The following GLMN variants were observed in gnomAD, a reference collection of about 807,000 sequenced individuals.
GLMN encodes glomulin, FKBP associated protein, also known as glomulin.
GLMN carries 75 observed loss-of-function variants against 87.8 expected under a neutral mutation model. The ratio of observed to expected loss-of-function variants is 0.85; its 90% CI spans 0.71 to 1.04. GLMN has a LOEUF of 1.04. GLMN is among the 50% of genes least tolerant of loss of function. The pLI is 0.00. For synonymous variants in GLMN, 206 were observed against 221.6 expected (o/e 0.93, Z 0.63); for missense variants, 588 against 658.8 (o/e 0.89, Z 1.18).
At chr1:92,256,801 C>G (rs1570851035) in intron 16 of GLMN, among the ~76,000 whole-genome samples, 1 of 152,264 alleles carries the variant, frequency 6.6e-6, no homozygotes, top group Non-Finnish European at 1.5e-5. Flanking sequence ...CAATATCATA[C>G]TGAATGGGCA....
At chr1:92,246,961 T>C in intron 18 of GLMN, 101 bp downstream of exon 18, 1 of 769,912 alleles carries the variant, frequency 1.3e-6, no homozygotes, top group South Asian at 1.4e-5. Flanking sequence ...GAGTTGAAGC[T>C]GCAGTGAGCC....
At chr1:92,370,223 G>A in the GLMN span, among the ~76,000 whole-genome samples, 1 of 152,042 alleles carries the variant, frequency 6.6e-6, no homozygotes, top group South Asian at 2.1e-4. Context: ...GACATGTTTT[G>A]TTTTATATTT....
chr1:92,268,004 T>C lies in GLMN; in HGVS notation c.1009-2A>G, dbSNP rs1398865250. The C allele has an allele frequency of 1.0e-5, 16 of 1,532,184 alleles. No individual in the cohort carries two copies. Among genetic ancestry groups the C allele is most frequent in the Non-Finnish European group, 1.4e-5 (16 of 1,105,400 alleles). The allele number at this position is 1,532,184 out of a possible 1,614,324, so 94.9% of individuals were successfully genotyped here. On this transcript the variant is annotated splice_acceptor_variant, in intron 10 of 18. Transcript: ENST00000370360. LOFTEE classifies it high-confidence loss of function. ...CAATAAACTATTCTCCAGCAGCTCC[T>C]ACAGATTAAAATATATGCAGATACA...
chr1:92,266,657 T>C (rs1297686930), intron 12 of GLMN, 43 bp downstream of exon 12: 2 of 1,362,378 alleles, frequency 1.5e-6, no homozygotes, highest in Admixed American at 1.9e-5. Context: ...TCAAATTTTC[T>C]CACTGTAACT....
At chr1:92,324,112 C>A in the GLMN span, 1 of 1,614,080 alleles carries the variant, frequency 6.2e-7, no homozygotes, top group Non-Finnish European at 8.5e-7. Context: ...GTGTCTGAAA[C>A]CCGAAGCCTC....
the GLMN span, chr1:92,333,481 T>C: frequency 2.5e-6 from 4 of 1,593,958 alleles, no homozygotes; most frequent in Non-Finnish European, 3.4e-6. Flanking sequence ...AGTGTAAGTA[T>C]GTAATTGCCA....
At position 92,257,475 on chromosome 1, in the gene GLMN, C is replaced by T. The variant is rs1328708481; in HGVS notation, c.1473+5388G>A. 2.6e-5 allele frequency among the ~76,000 whole-genome samples: 4 copies of T among 152,194 alleles called. No homozygotes were observed. The East Asian group carries it at 5.8e-4, about 22-fold the overall frequency. On this transcript the variant is annotated intron_variant, in intron 16 of 18. Transcript: ENST00000370360. ...GCAAAAAGAACAAAGCTGGAGGCAT[C>T]ATGCTACCTGACTTCAAACTATACT...
the GLMN span, among the ~76,000 whole-genome samples, chr1:92,348,652 T>A: frequency 4.6e-5 from 7 of 152,226 alleles, no homozygotes; most frequent in East Asian, 1.9e-4. Context: ...CCACTGGAAA[T>A]CTGTGGCTCA....
At chr1:92,279,742 A>G (rs1187673035) in intron 7 of GLMN, among the ~76,000 whole-genome samples, 1 of 152,174 alleles carries the variant, frequency 6.6e-6, no homozygotes, top group Admixed American at 6.5e-5. Context: ...GAAACAGTAC[A>G]CTCCTGACCA....
intron 15 of GLMN, among the ~76,000 whole-genome samples, chr1:92,263,263 A>G (rs1467676250): frequency 2.0e-5 from 3 of 152,144 alleles, no homozygotes; most frequent in Non-Finnish European, 4.4e-5. Flanking sequence ...TATATGTTCT[A>G]TATGAAAAAA....
At chr1:92,295,715 G>A (rs1208934921) in intron 3 of GLMN, among the ~76,000 whole-genome samples, 1 of 152,092 alleles carries the variant, frequency 6.6e-6, no homozygotes, top group Non-Finnish European at 1.5e-5. Flanking sequence ...TCTGAATCTT[G>A]GATGTTACAT....
intron 16 of GLMN, among the ~76,000 whole-genome samples, chr1:92,253,808 G>A (rs796581530): frequency 1.3e-5 from 2 of 152,318 alleles, no homozygotes; most frequent in Admixed American, 6.5e-5. Flanking sequence ...CCACGAAGAC[G>A]AGGAAAAAGC....
intron 2 of GLMN, 164 bp downstream of exon 2, chr1:92,297,797 G>C: frequency 1.6e-6 from 1 of 630,650 alleles, no homozygotes; most frequent in South Asian, 2.0e-5. Flanking sequence ...ATGTCACCTG[G>C]AGAAATAATC....
At chr1:92,255,873 A>C (rs565114386) in intron 16 of GLMN, among the ~76,000 whole-genome samples, 284 of 152,298 alleles carry the variant, frequency 1.9e-3, no homozygotes, top group African/African-American at 6.4e-3. Context: ...AAAAGCAAAC[A>C]AATTCAAAAG....
At chr1:92,267,302 ATAAAGTGT>A (rs1157614481) in intron 11 of GLMN, among the ~76,000 whole-genome samples, 1 of 152,238 alleles carries the variant, frequency 6.6e-6, no homozygotes, top group African/African-American at 2.4e-5. Flanking sequence ...CCCTACAGAA[ATAAAGTGT>A]TAAAAGAAGA....
At chr1:92,303,140 C>T (rs1456619962), upstream of GLMN, among the ~76,000 whole-genome samples, 1 of 152,124 alleles carries the variant, frequency 6.6e-6, no homozygotes, top group Non-Finnish European at 1.5e-5. Context: ...CAAATTAAAA[C>T]TCAAAGCTTC....
At chr1:92,336,233 A>T in the GLMN span, 1 of 694,618 alleles carries the variant, frequency 1.4e-6, no homozygotes, top group East Asian at 2.8e-5. Flanking sequence ...TTAAATCATG[A>T]CTGCTTCCAT....
the GLMN span, among the ~76,000 whole-genome samples, chr1:92,332,716 G>T: frequency 6.6e-6 from 1 of 152,042 alleles, no homozygotes; most frequent in African/African-American, 2.4e-5. Context: ...CCAAGTCCTG[G>T]TCTCATACTT....
chr1:92,284,401 G>T (rs1570950564), intron 7 of GLMN, among the ~76,000 whole-genome samples: 1 of 152,184 alleles, frequency 6.6e-6, no homozygotes, highest in Non-Finnish European at 1.5e-5. Context: ...ATGGTGCTGG[G>T]AAAACTGGCT....
Sources: gnomAD v4.1 joint callset for allele counts (sites outside exome capture counted in the v4.1 genomes callset) on GRCh38, gnomAD v4.1.1 for gene constraint, MANE v1.5 for transcripts, NCBI Gene and HGNC (gene_info 2026-07-23, HGNC 2026-07-21) for gene names.